The following RAB3C variants were observed in gnomAD, a reference collection of about 807,000 sequenced individuals.
RAB3C encodes the protein RAB3C, member RAS oncogene family.
Under a neutral mutation model 26.4 loss-of-function variants are expected in RAB3C, and 17 were observed. That is an observed-to-expected ratio of 0.64 (90% CI 0.44 to 0.97). RAB3C has a LOEUF of 0.97. Among genes scored for constraint, RAB3C ranks in the 50% least tolerant of loss-of-function variants. The pLI, the probability that RAB3C is intolerant of heterozygous loss-of-function variation, is 0.00. For synonymous variants in RAB3C, 91 were observed against 95.9 expected (o/e 0.95, Z 0.30); for missense variants, 242 against 281.9 (o/e 0.86, Z 1.01).
intron 3 of RAB3C, among the ~76,000 whole-genome samples, chr5:58,788,530 A>T (rs1223269667): frequency 6.6e-6 from 1 of 152,234 alleles, no homozygotes; most frequent in Non-Finnish European, 1.5e-5. Context: ...TTATGTGTGT[A>T]TAATTTCCTG....
chr5:58,781,903 A>G (rs1270003275), intron 3 of RAB3C, among the ~76,000 whole-genome samples: 1 of 152,088 alleles, frequency 6.6e-6, no homozygotes, highest in Non-Finnish European at 1.5e-5. Context: ...TCATTTTTCA[A>G]GGTCAAGCTT....
chr5:58,605,331 T>C (rs1746536799), intron 1 of RAB3C, among the ~76,000 whole-genome samples: 1 of 152,182 alleles, frequency 6.6e-6, no homozygotes, highest in Non-Finnish European at 1.5e-5. Context: ...CCATGCACCA[T>C]GATTATCTCT....
Position 58,709,885 on chromosome 5 carries a change from C to A in RAB3C, c.253-16117C>A, listed in dbSNP as rs74595561. On this transcript the variant is annotated intron_variant, in intron 2 of 4. Coordinates refer to ENST00000282878, the MANE Select transcript of RAB3C (RefSeq NM_138453.4). ...AAAGCCAGGGTTTCTCTCTAATTAGCTGTGTGATGGTGAAGCCTCATTTGC... is the reference window on the plus strand; with the variant it reads ...AAAGCCAGGGTTTCTCTCTAATTAGATGTGTGATGGTGAAGCCTCATTTGC... Among the ~76,000 whole-genome samples, 515 of 152,318 alleles carry A rather than the reference C, an allele frequency of 3.4e-3. 6 individuals carry two copies. Among genetic ancestry groups the A allele is most frequent in the African/African-American group, 0.012 (482 of 41,582 alleles).
At chr5:58,769,981 T>G (rs966986515) in intron 3 of RAB3C, among the ~76,000 whole-genome samples, 15 of 152,208 alleles carry the variant, frequency 9.9e-5, no homozygotes, top group Non-Finnish European at 2.9e-5. Flanking sequence ...CAGACAATGG[T>G]GCTGCAATCC....
chr5:58,619,763 T>C (rs1240263209), intron 2 of RAB3C, among the ~76,000 whole-genome samples: 3 of 152,148 alleles, frequency 2.0e-5, no homozygotes, highest in African/African-American at 7.2e-5. Context: ...CTATCTTCAA[T>C]GTAAATCAGA....
At chr5:58,699,816 T>TG (rs1273955388) in intron 2 of RAB3C, among the ~76,000 whole-genome samples, 1 of 152,208 alleles carries the variant, frequency 6.6e-6, no homozygotes, top group East Asian at 1.9e-4. Flanking sequence ...TCTAAGATCT[T>TG]GGGAAAAGCG....
chr5:58,712,755 C>T (rs1299644650), intron 2 of RAB3C, among the ~76,000 whole-genome samples: 2 of 152,188 alleles, frequency 1.3e-5, no homozygotes, highest in Non-Finnish European at 2.9e-5. Flanking sequence ...GAACTTCTAA[C>T]CTCCAGTGAT....
intron 1 of RAB3C, among the ~76,000 whole-genome samples, chr5:58,590,243 A>G (rs988900220): frequency 2.8e-4 from 42 of 152,206 alleles, no homozygotes; most frequent in Admixed American, 2.0e-3. Context: ...CCAATTTATT[A>G]ACACAAAGTT....
At chr5:58,811,860 C>T (rs10054551) in intron 3 of RAB3C, among the ~76,000 whole-genome samples, 26,621 of 151,764 alleles carry the variant, frequency 0.18, 2,456 homozygotes, top group Non-Finnish European at 0.21. Context: ...CCAGCCTTCA[C>T]TCCTCAGCCC....
At chr5:58,850,681 T>G (rs1744096291) in intron 4 of RAB3C, among the ~76,000 whole-genome samples, 1 of 152,110 alleles carries the variant, frequency 6.6e-6, no homozygotes, top group Non-Finnish European at 1.5e-5. Flanking sequence ...AATTAAAAAT[T>G]TTGGTAGAAT....
chr5:58,746,583 C>T (rs1400769239), intron 3 of RAB3C, among the ~76,000 whole-genome samples: 2 of 152,146 alleles, frequency 1.3e-5, no homozygotes, highest in Admixed American at 6.5e-5. Context: ...CGATGTGATT[C>T]GGCTCCATCT....
At chr5:58,594,078 G>C (rs149080238) in intron 1 of RAB3C, among the ~76,000 whole-genome samples, 1 of 152,142 alleles carries the variant, frequency 6.6e-6, no homozygotes, top group African/African-American at 2.4e-5. Flanking sequence ...CTCATCACTT[G>C]TCTGCTGCCA....
chr5:58,756,542 C>A (rs931442534), intron 3 of RAB3C, among the ~76,000 whole-genome samples: 3 of 150,016 alleles, frequency 2.0e-5, no homozygotes, highest in East Asian at 1.9e-4. Context: ...CCCCCACCCC[C>A]CAACAGGCAC....
At chr5:58,596,524 AT>A (rs1746258581) in intron 1 of RAB3C, among the ~76,000 whole-genome samples, 1 of 134,506 alleles carries the variant, frequency 7.4e-6, no homozygotes, top group South Asian at 2.1e-4. Flanking sequence ...TATAATACAT[AT>A]TATATATAAA....
intron 2 of RAB3C, among the ~76,000 whole-genome samples, chr5:58,660,013 C>G (rs1747866474): frequency 6.6e-6 from 1 of 152,028 alleles, no homozygotes; most frequent in African/African-American, 2.4e-5. Flanking sequence ...TCATGTTGCC[C>G]AGGCTAGTCT....
At chr5:58,804,193 C>A (rs1042666461) in intron 3 of RAB3C, among the ~76,000 whole-genome samples, 2 of 152,064 alleles carry the variant, frequency 1.3e-5, no homozygotes, top group Admixed American at 1.3e-4. Context: ...CACCAACTTT[C>A]TTTTCCTTTC....
intron 2 of RAB3C, among the ~76,000 whole-genome samples, chr5:58,693,228 GAT>G (rs1748606701): frequency 7.0e-6 from 1 of 143,542 alleles, no homozygotes; most frequent in African/African-American, 2.5e-5. Context: ...ATATAGTTAA[GAT>G]AAAGTTATAA....
intron 4 of RAB3C, among the ~76,000 whole-genome samples, chr5:58,832,422 C>T (rs2112068940): frequency 6.6e-6 from 1 of 152,238 alleles, no homozygotes; most frequent in South Asian, 2.1e-4. Flanking sequence ...CAAAATAGAA[C>T]TCATGAATAT....
At chr5:58,823,229 A>C (rs560901383) in intron 3 of RAB3C, 35 of 283,536 alleles carry the variant, frequency 1.2e-4, no homozygotes, top group African/African-American at 7.5e-4. Flanking sequence ...GGAGATATAC[A>C]ATAAAGCTCA....
Sources: gnomAD v4.1 joint callset for allele counts (sites outside exome capture counted in the v4.1 genomes callset) on GRCh38, gnomAD v4.1.1 for gene constraint, MANE v1.5 for transcripts, NCBI Gene and HGNC (gene_info 2026-07-23, HGNC 2026-07-21) for gene names.